The following TMEM209 variants were observed in gnomAD, a reference collection of about 807,000 sequenced individuals.
The protein encoded by TMEM209 is transmembrane protein 209.
TMEM209 carries 65 observed loss-of-function variants against 76.2 expected under a neutral mutation model. The ratio of observed to expected loss-of-function variants is 0.85; its 90% CI spans 0.70 to 1.05. TMEM209 has a LOEUF of 1.05. TMEM209 is among the 50% of genes least tolerant of loss of function. TMEM209 has a pLI of 0.00. For synonymous variants in TMEM209, 239 were observed against 237.6 expected (o/e 1.01, Z -0.06); for missense variants, 623 against 685.5 (o/e 0.91, Z 1.02).
At chr7:130,194,260 C>T (rs933539399) in intron 5 of TMEM209, among the ~76,000 whole-genome samples, 1 of 149,352 alleles carries the variant, frequency 6.7e-6, no homozygotes. Flanking sequence ...GGAGGCTATG[C>T]ATGTTAGGAC....
chr7:130,189,289 C>T (rs939016236), intron 6 of TMEM209, among the ~76,000 whole-genome samples: 10 of 151,548 alleles, frequency 6.6e-5, no homozygotes, highest in African/African-American at 2.2e-4. Context: ...CTCCGCCTCC[C>T]GGATTCAAGC....
rs541123304 is a variant in TMEM209 at position 130,172,924 on chromosome 7, G to A, written c.1557+708C>T. ...TGAGGCAGGAGAATTGCTGGAACCC[G>A]GGAGGCAGAGGTTGCAGTGAGCCAA... On this transcript the variant is annotated intron_variant, in intron 13 of 14. Transcript: ENST00000397622. 9.6e-3 allele frequency among the ~76,000 whole-genome samples: 1,441 copies of A among 149,970 alleles called. 16 individuals are homozygous for A. Among genetic ancestry groups the A allele is most frequent in the Non-Finnish European group, 0.014 (955 of 67,586 alleles).
At chr7:130,194,633 C>T (rs1488008) in intron 5 of TMEM209, among the ~76,000 whole-genome samples, 23,043 of 152,148 alleles carry the variant, frequency 0.15, 2,364 homozygotes, top group Middle Eastern at 0.23. Flanking sequence ...TTTCTGATGG[C>T]TTCTTTAACA....
At chr7:130,168,727 G>C (rs1796956087) in intron 14 of TMEM209, among the ~76,000 whole-genome samples, 1 of 152,086 alleles carries the variant, frequency 6.6e-6, no homozygotes, top group Non-Finnish European at 1.5e-5. Context: ...CACGTTAGAA[G>C]GCCAAGGCAG....
intron 5 of TMEM209, among the ~76,000 whole-genome samples, chr7:130,197,053 C>T (rs1167632066): frequency 6.6e-6 from 1 of 151,990 alleles, no homozygotes; most frequent in Non-Finnish European, 1.5e-5. Flanking sequence ...ATAGCAAGAC[C>T]CCATCTCTAC....
chr7:130,192,860 T>C, intron 5 of TMEM209, 37 bp from the exon 6 acceptor site: 1 of 1,581,000 alleles, frequency 6.3e-7, no homozygotes, highest in South Asian at 1.1e-5. Flanking sequence ...TATTTTTCTT[T>C]AATTGAAATT....
At chr7:130,205,341 C>T in intron 1 of TMEM209, 32 bp downstream of exon 1, 1 of 1,613,834 alleles carries the variant, frequency 6.2e-7, no homozygotes, top group South Asian at 1.1e-5. Flanking sequence ...GATTCCAAGA[C>T]AGGAAGCACA....
chr7:130,177,001 G>A (rs1341419675), intron 10 of TMEM209, among the ~76,000 whole-genome samples: 1 of 143,136 alleles, frequency 7.0e-6, no homozygotes, highest in African/African-American at 2.6e-5. Context: ...CTGCACTCCA[G>A]CCTGGGTGAC....
chr7:130,182,097 C>T (rs577887816), intron 8 of TMEM209: 21 of 173,784 alleles, frequency 1.2e-4, no homozygotes, highest in Admixed American at 5.7e-4. Flanking sequence ...CCTGCCACCA[C>T]GCCCAGTTAA....
At chr7:130,174,003 T>C (rs1180545189) in intron 11 of TMEM209, 64 bp from the exon 12 acceptor site, 67 of 1,081,206 alleles carry the variant, frequency 6.2e-5, no homozygotes, top group Non-Finnish European at 9.0e-5. Flanking sequence ...TGTAGAACCC[T>C]TTAGAAACAT....
chr7:130,202,810 T>C, intron 3 of TMEM209, 147 bp from the exon 4 acceptor site: 1 of 947,082 alleles, frequency 1.1e-6, no homozygotes. Context: ...GTAGGGTGGC[T>C]GGGCATGGTG....
intron 5 of TMEM209, among the ~76,000 whole-genome samples, chr7:130,199,506 C>T (rs1450734959): frequency 2.0e-5 from 3 of 152,094 alleles, no homozygotes; most frequent in African/African-American, 4.8e-5. Context: ...AGGCGTGACC[C>T]GCTGCGCCCA....
intron 5 of TMEM209, among the ~76,000 whole-genome samples, chr7:130,195,626 A>C (rs533478189): frequency 3.2e-4 from 38 of 117,076 alleles, no homozygotes; most frequent in African/African-American, 1.0e-3. Flanking sequence ...CTTAAAAGTT[A>C]TTTGGAAAAA....
chr7:130,204,185 C>T (rs191639516), intron 1 of TMEM209, 75 bp from the exon 2 acceptor site: 14 of 1,481,334 alleles, frequency 9.5e-6, no homozygotes, highest in Non-Finnish European at 1.3e-5. Flanking sequence ...TTTTGCATCC[C>T]TTATAAAGGT....
intron 10 of TMEM209, among the ~76,000 whole-genome samples, chr7:130,176,034 T>G (rs1372390467): frequency 6.6e-6 from 1 of 151,840 alleles, no homozygotes; most frequent in Non-Finnish European, 1.5e-5. Flanking sequence ...TGTGTGTGTA[T>G]ATATATGTGG....
At chr7:130,191,959 C>T (rs1022968070) in intron 6 of TMEM209, among the ~76,000 whole-genome samples, 2 of 152,120 alleles carry the variant, frequency 1.3e-5, no homozygotes, top group Non-Finnish European at 2.9e-5. Flanking sequence ...AGACTCCAAG[C>T]GACACAAAGA....
intron 9 of TMEM209, among the ~76,000 whole-genome samples, chr7:130,180,570 T>C (rs1393457049): frequency 1.3e-5 from 2 of 152,076 alleles, no homozygotes; most frequent in Non-Finnish European, 2.9e-5. Flanking sequence ...GTTTTCACCA[T>C]GTTGGCCAGG....
chr7:130,170,359 C>G, intron 14 of TMEM209, 41 bp downstream of exon 14: 1 of 1,517,326 alleles, frequency 6.6e-7, no homozygotes, highest in Non-Finnish European at 9.1e-7. Flanking sequence ...GGAAGAAAAT[C>G]AGTAAATAAC....
intron 8 of TMEM209, 101 bp from the exon 9 acceptor site, chr7:130,181,820 T>C (rs1273951311): frequency 1.8e-5 from 16 of 864,960 alleles, no homozygotes; most frequent in Non-Finnish European, 3.6e-6. Flanking sequence ...TTTTTTACTA[T>C]CTTATAGTTG....
Sources: gnomAD v4.1 joint callset for allele counts (sites outside exome capture counted in the v4.1 genomes callset) on GRCh38, gnomAD v4.1.1 for gene constraint, MANE v1.5 for transcripts, NCBI Gene and HGNC (gene_info 2026-07-23, HGNC 2026-07-21) for gene names.